Variants in RBFOX1 observed in about 807,000 individuals in gnomAD.
The protein encoded by RBFOX1 is RNA binding fox-1 homolog 1.
In RBFOX1, 8 loss-of-function variants were observed where a neutral mutation model predicts 57.7. The ratio of observed to expected loss-of-function variants is 0.14; its 90% CI spans 0.08 to 0.25. RBFOX1 has a LOEUF of 0.25. Among genes scored for constraint, RBFOX1 ranks in the 10% least tolerant of loss-of-function variants. The probability of loss-of-function intolerance (pLI) is 1.00; values close to 1 mark genes in which losing one functional copy is unlikely to be tolerated. For synonymous variants in RBFOX1, 326 were observed against 222.4 expected (o/e 1.47, Z -4.15); for missense variants, 611 against 548.5 (o/e 1.11, Z -1.14).
intron 3 of RBFOX1, among the ~76,000 whole-genome samples, chr16:6,668,352 A>G (rs1000160288): frequency 1.3e-5 from 2 of 152,188 alleles, no homozygotes; most frequent in Non-Finnish European, 2.9e-5. Flanking sequence ...CCTGCCAGGT[A>G]TAGTTTAGTT....
chr16:7,604,659 T>A (rs1021743052), intron 9 of RBFOX1, among the ~76,000 whole-genome samples: 1 of 152,166 alleles, frequency 6.6e-6, no homozygotes, highest in Non-Finnish European at 1.5e-5. Flanking sequence ...GGTAGGCAGA[T>A]GAGATAAACA....
intron 2 of RBFOX1, among the ~76,000 whole-genome samples, chr16:6,530,317 A>C (rs1398886952): frequency 6.6e-6 from 1 of 152,098 alleles, no homozygotes; most frequent in Non-Finnish European, 1.5e-5. Flanking sequence ...GGTAAGCATG[A>C]GTGAGTTTAC....
intron 3 of RBFOX1, among the ~76,000 whole-genome samples, chr16:5,690,454 T>C (rs10459824): frequency 0.23 from 34,799 of 152,034 alleles, 5,486 homozygotes; most frequent in East Asian, 0.81. Context: ...TTCCCCACCA[T>C]GTTAGGAGAA....
Position 6,858,366 on chromosome 16 carries a change from C to T in RBFOX1, c.-15-193691C>T, listed in dbSNP as rs930163868. ...AATACAGGAAAAAGCAGAGCAGATT[C>T]GTGATACTTTCCTCTCCTTGTTGGT... On this transcript the variant is annotated intron_variant, in intron 3 of 15. Transcript: ENST00000550418. Among the ~76,000 whole-genome samples, 8 of 152,126 alleles carry T rather than the reference C, an allele frequency of 5.3e-5. No individual in the cohort carries two copies. In the East Asian group the frequency reaches 5.8e-4, roughly 11 times the overall value.
intron 2 of RBFOX1, among the ~76,000 whole-genome samples, chr16:6,572,306 G>C (rs144294898): frequency 1.3e-5 from 2 of 152,130 alleles, no homozygotes; most frequent in African/African-American, 4.8e-5. Flanking sequence ...CAAGTTGTCT[G>C]AGATCTAGTT....
intron 2 of RBFOX1, among the ~76,000 whole-genome samples, chr16:6,340,659 A>G (rs956589402): frequency 2.0e-5 from 3 of 152,116 alleles, no homozygotes; most frequent in Non-Finnish European, 2.9e-5. Flanking sequence ...TCCCATTGCC[A>G]TCTTGGTATT....
intron 4 of RBFOX1, among the ~76,000 whole-genome samples, chr16:7,513,149 G>T (rs1250510262): frequency 6.6e-6 from 1 of 152,066 alleles, no homozygotes; most frequent in South Asian, 2.1e-4. Context: ...TGTAATCCTA[G>T]CTACTCAGGA....
rs138075707 is a variant in RBFOX1, at chr16:6,885,186, A to T, written c.-15-166871A>T. The stretch of plus-strand genomic sequence containing the variant: ...CCTAATTCCCAGGTAGTAATTCCCA[A>T]TGACTGAGCCATCACTTCAGAAAAC... On this transcript the variant is annotated intron_variant, in intron 3 of 15. Transcript: ENST00000550418. Among the ~76,000 whole-genome samples, 1,024 of 152,240 alleles carry T rather than the reference A, an allele frequency of 6.7e-3. 10 individuals are homozygous for T. The highest frequency in any genetic ancestry group is 0.023 in the African/African-American group (970 of 41,544).
chr16:6,976,420 G>C (rs1194650278), intron 3 of RBFOX1, among the ~76,000 whole-genome samples: 1 of 152,094 alleles, frequency 6.6e-6, no homozygotes, highest in African/African-American at 2.4e-5. Flanking sequence ...AGGCGAGCAT[G>C]TTTTATACAT....
intron 2 of RBFOX1, among the ~76,000 whole-genome samples, chr16:6,411,653 A>C (rs1596809460): frequency 6.6e-6 from 1 of 152,248 alleles, no homozygotes. Flanking sequence ...AAAAGTGAGA[A>C]AATGAAAATT....
intron 5 of RBFOX1, among the ~76,000 whole-genome samples, chr16:7,540,869 A>T (rs1452170508): frequency 1.3e-5 from 2 of 152,150 alleles, no homozygotes; most frequent in Non-Finnish European, 2.9e-5. Context: ...TTAAACCCTA[A>T]ACTCCTCATG....
chr16:7,216,034 T>C (rs979302900), intron 4 of RBFOX1, among the ~76,000 whole-genome samples: 1 of 152,174 alleles, frequency 6.6e-6, no homozygotes, highest in Non-Finnish European at 1.5e-5. Flanking sequence ...GGATGTTTTA[T>C]ATCACTGGAA....
chr16:6,571,219 T>G (rs2097340381), intron 2 of RBFOX1, among the ~76,000 whole-genome samples: 1 of 152,200 alleles, frequency 6.6e-6, no homozygotes, highest in South Asian at 2.1e-4. Context: ...TCGAAAATTG[T>G]CAGAGGCTCT....
chr16:6,111,738 A>C lies in RBFOX1; in HGVS notation c.-127+91746A>C, dbSNP rs560662900. Among the ~76,000 whole-genome samples the C allele has an allele frequency of 5.1e-4, 78 of 152,332 alleles. 1 individual carries two copies. The highest frequency in any genetic ancestry group is 1.8e-3 in the African/African-American group (73 of 41,580). On this transcript the variant is annotated intron_variant, in intron 1 of 15. Transcript: ENST00000550418. Reference sequence around the variant, plus strand: ...CATGATTTGGAATGAGAAGAAACCAAGGAAGACTTTTGAAAATTGTTTGGG... The same window carrying C: ...CATGATTTGGAATGAGAAGAAACCACGGAAGACTTTTGAAAATTGTTTGGG...
chr16:5,941,283 A>T (rs1040587872), intron 4 of RBFOX1, among the ~76,000 whole-genome samples: 5 of 152,072 alleles, frequency 3.3e-5, no homozygotes, highest in Non-Finnish European at 5.9e-5. Flanking sequence ...TGAGGCCAGG[A>T]GTTCAAGACC....
chr16:5,436,663 C>T (rs1001491946), intron 1 of RBFOX1, among the ~76,000 whole-genome samples: 3 of 152,050 alleles, frequency 2.0e-5, no homozygotes, highest in East Asian at 1.9e-4. Flanking sequence ...CATGGTGAAA[C>T]CCCATCTCTA....
At chr16:5,657,293 G>T (rs1388232359) in intron 3 of RBFOX1, among the ~76,000 whole-genome samples, 3 of 152,168 alleles carry the variant, frequency 2.0e-5, no homozygotes, top group African/African-American at 7.2e-5. Flanking sequence ...CCTAATAATA[G>T]TTAATGTATA....
At chr16:7,082,723 G>C (rs1274800120) in intron 4 of RBFOX1, among the ~76,000 whole-genome samples, 1 of 152,170 alleles carries the variant, frequency 6.6e-6, no homozygotes, top group Admixed American at 6.5e-5. Context: ...GCTGATTGCT[G>C]TATATAATTA....
intron 15 of RBFOX1, chr16:7,709,852 T>A: frequency 8.3e-7 from 1 of 1,201,774 alleles, no homozygotes; most frequent in South Asian, 2.1e-5. Context: ...CAGTAAGACG[T>A]GCCCATCACG....
Sources: gnomAD v4.1 joint callset for allele counts (sites outside exome capture counted in the v4.1 genomes callset) on GRCh38, gnomAD v4.1.1 for gene constraint, MANE v1.5 for transcripts, NCBI Gene and HGNC (gene_info 2026-07-23, HGNC 2026-07-21) for gene names.